KIZ: variants seen among roughly 807,000 people sequenced by gnomAD.
The protein encoded by KIZ is kizuna centrosomal protein.
Under a neutral mutation model 79.6 loss-of-function variants are expected in KIZ, and 68 were observed. The observed-to-expected ratio is 0.85, with a 90% confidence interval of 0.70 to 1.05. The LOEUF is 1.05. KIZ is among the 50% of genes least tolerant of loss of function. The pLI, the probability that KIZ is intolerant of heterozygous loss-of-function variation, is 0.00. For synonymous variants in KIZ, 280 were observed against 281.8 expected (o/e 0.99, Z 0.06); for missense variants, 797 against 800.4 (o/e 1.00, Z 0.05).
chr20:21,144,012 G>C (rs1365400048), intron 3 of KIZ: 2 of 152,140 alleles, frequency 1.3e-5, no homozygotes, highest in Non-Finnish European at 2.9e-5. Flanking sequence ...TTTAGCTAAA[G>C]AGTATCTACA....
chr20:21,205,597 A>C lies in KIZ; in HGVS notation c.1446+13A>C, dbSNP rs1183850921. On this transcript the variant is annotated intron_variant, in intron 7 of 12. Transcript: ENST00000619189. ...TGTCAAAGAAGAGGTAGGTAGCTAAACTGTCTGAAGTTTTCCCAATCACAA... is the reference window on the plus strand; with the variant it reads ...TGTCAAAGAAGAGGTAGGTAGCTAACCTGTCTGAAGTTTTCCCAATCACAA... The C allele has an allele frequency of 9.0e-6, 11 of 1,218,376 alleles. No homozygotes were observed. Among genetic ancestry groups the C allele is most frequent in the Non-Finnish European group, 1.3e-5 (11 of 841,616 alleles). The allele number at this position is 1,218,376 out of a possible 1,614,324, so 75.5% of individuals were successfully genotyped here.
At chr20:21,138,069 G>C (rs2032300455) in intron 3 of KIZ, among the ~76,000 whole-genome samples, 4 of 94,324 alleles carry the variant, frequency 4.2e-5, no homozygotes, top group Non-Finnish European at 5.3e-5. Flanking sequence ...ACTGCACCCA[G>C]ACATAATATT....
chr20:21,129,323 A>T (rs1402604662), intron 1 of KIZ, among the ~76,000 whole-genome samples: 2 of 152,220 alleles, frequency 1.3e-5, no homozygotes, highest in African/African-American at 4.8e-5. Flanking sequence ...TCTGCTGAAG[A>T]TGTTTTACAA....
At chr20:21,145,743 A>G (rs1568918128) in intron 4 of KIZ, 89 bp downstream of exon 4, 3 of 536,226 alleles carry the variant, frequency 5.6e-6, no homozygotes, top group Non-Finnish European at 9.8e-6. Context: ...AAATCATCTT[A>G]TTAGGAAGAT....
intron 3 of KIZ, among the ~76,000 whole-genome samples, chr20:21,141,821 A>ACTCTCTCTCT: frequency 9.0e-6 from 1 of 111,090 alleles, no homozygotes; most frequent in South Asian, 2.8e-4. Flanking sequence ...ACACACACAC[A>ACTCTCTCTCT]CACTCTCTCT....
At chr20:21,189,203 G>A (rs1465918484) in intron 6 of KIZ, among the ~76,000 whole-genome samples, 1 of 152,032 alleles carries the variant, frequency 6.6e-6, no homozygotes, top group African/African-American at 2.4e-5. Context: ...ACCCTTCTAT[G>A]GCTGCTGATT....
At chr20:21,143,033 T>C (rs1170457939) in intron 3 of KIZ, among the ~76,000 whole-genome samples, 2 of 152,134 alleles carry the variant, frequency 1.3e-5, no homozygotes, top group Non-Finnish European at 2.9e-5. Flanking sequence ...CCTGTTAATA[T>C]GCATTAGTTG....
At chr20:21,172,360 T>C (rs970449813) in intron 6 of KIZ, among the ~76,000 whole-genome samples, 2 of 152,138 alleles carry the variant, frequency 1.3e-5, no homozygotes, top group Non-Finnish European at 1.5e-5. Flanking sequence ...CCTAGCACTT[T>C]AGGAGGCTGA....
intron 12 of KIZ, 39 bp from the exon 13 acceptor site, chr20:21,246,440 T>C (rs1569013503): frequency 2.3e-6 from 3 of 1,293,996 alleles, no homozygotes; most frequent in South Asian, 2.4e-5. Flanking sequence ...TTAACCAGAA[T>C]GCAAAAATGT....
At chr20:21,144,977 C>T (rs1330210475) in intron 3 of KIZ, among the ~76,000 whole-genome samples, 2 of 152,130 alleles carry the variant, frequency 1.3e-5, no homozygotes, top group Non-Finnish European at 2.9e-5. Flanking sequence ...ATGATGCAGA[C>T]ATCTTTATGT....
At chr20:21,215,106 T>G (rs2036232350) in intron 8 of KIZ, among the ~76,000 whole-genome samples, 1 of 152,236 alleles carries the variant, frequency 6.6e-6, no homozygotes, top group East Asian at 1.9e-4. Context: ...TAGAACCTTA[T>G]CAGTGTCTAA....
At chr20:21,221,352 T>C (rs2123363344) in intron 9 of KIZ, among the ~76,000 whole-genome samples, 1 of 152,292 alleles carries the variant, frequency 6.6e-6, no homozygotes, top group East Asian at 1.9e-4. Context: ...AAAATGGGGA[T>C]ATTAAGGAAT....
chr20:21,204,373 C>T (rs1235688049), intron 6 of KIZ, among the ~76,000 whole-genome samples: 1 of 151,934 alleles, frequency 6.6e-6, no homozygotes, highest in Non-Finnish European at 1.5e-5. Context: ...CCTCGGCCTC[C>T]CAAAGTGCAA....
chr20:21,151,681 GTAT>G (rs2033125574), intron 4 of KIZ: 1 of 152,150 alleles, frequency 6.6e-6, no homozygotes, highest in East Asian at 1.9e-4. Flanking sequence ...ATGAAATACT[GTAT>G]TATTAGAAAA....
chr20:21,151,265 C>A (rs947085791), intron 4 of KIZ: 1 of 152,050 alleles, frequency 6.6e-6, no homozygotes, highest in Non-Finnish European at 1.5e-5. Flanking sequence ...TGGGAGAGGG[C>A]CTTTTTTAAA....
intron 9 of KIZ, among the ~76,000 whole-genome samples, chr20:21,220,974 G>A (rs951013156): frequency 6.6e-6 from 1 of 152,188 alleles, no homozygotes; most frequent in African/African-American, 2.4e-5. Flanking sequence ...TTCAAATGCA[G>A]CTCATCCCGA....
Position 21,163,145 on chromosome 20 carries a change from C to CG in KIZ, c.1339dup (p.Ala447GlyfsTer30). Reference sequence around the variant, plus strand: ...ATTCAGAAAAGGAATCCTCCACTAACGCACCAACAAGAGAGTAAGCCATTC... The same window carrying CG: ...ATTCAGAAAAGGAATCCTCCACTAACGGCACCAACAAGAGAGTAAGCCATTC... On this transcript the variant is annotated frameshift_variant, in exon 6 of 13. Coordinates refer to ENST00000619189, the MANE Select transcript of KIZ (RefSeq NM_018474.6). LOFTEE classifies it high-confidence loss of function. The CG allele has an allele frequency of 6.2e-7, 1 of 1,609,330 alleles. No individual in the cohort carries two copies. The highest frequency in any genetic ancestry group is 8.5e-7 in the Non-Finnish European group (1 of 1,177,854).
At chr20:21,218,737 A>G (rs1040479292) in intron 9 of KIZ, 4 of 152,252 alleles carry the variant, frequency 2.6e-5, no homozygotes, top group Non-Finnish European at 5.9e-5. Context: ...AGTGAGTCCA[A>G]TGTGGGCACC....
At position 21,131,249 on chromosome 20, in the gene KIZ, G is replaced by A. The variant is rs1321765195; in HGVS notation, c.90-848G>A. 5.9e-5 allele frequency among the ~76,000 whole-genome samples: 9 copies of A among 152,206 alleles called. No individual in the cohort carries two copies. The East Asian group carries it at 1.5e-3, about 26-fold the overall frequency. On this transcript the variant is annotated intron_variant, in intron 1 of 12. Coordinates refer to ENST00000619189, the MANE Select transcript of KIZ (RefSeq NM_018474.6). ...TCGTCCTTGCCCAGGCTGGTTGTGG[G>A]GTAAGACAGGTTTTCTCCTTAGCTT...
Sources: allele counts gnomAD v4.1 joint callset (sites outside exome capture counted in the v4.1 genomes callset), GRCh38; gene constraint gnomAD v4.1.1; transcripts MANE v1.5; gene names NCBI Gene and HGNC (gene_info 2026-07-23, HGNC 2026-07-21).